The following KMT2A variants were observed in gnomAD, a reference collection of about 807,000 sequenced individuals.
KMT2A encodes lysine methyltransferase 2A.
In KMT2A, 16 loss-of-function variants were observed where a neutral mutation model predicts 345.3. That is an observed-to-expected ratio of 0.05 (90% CI 0.03 to 0.07). The LOEUF is 0.07. Among genes scored for constraint, KMT2A ranks in the 10% least tolerant of loss-of-function variants. The probability of loss-of-function intolerance (pLI) is 1.00; values close to 1 mark genes in which losing one functional copy is unlikely to be tolerated. For missense variants in KMT2A, 3,272 were observed against 4,841.6 expected (o/e 0.68, Z 9.62); for synonymous variants, 1,599 against 1,778.6 (o/e 0.90, Z 2.54).
At position 118,474,009 on chromosome 11, in the gene KMT2A, T is replaced by G; in HGVS notation, c.2850T>G (p.Leu950=). 6.2e-7 allele frequency: 1 copy of G among 1,613,856 alleles called. No homozygotes were observed. The highest frequency in any genetic ancestry group is 1.7e-5 in the Admixed American group (1 of 59,946). Residue 950 remains leucine (L), a synonymous_variant, in exon 3 of 36, where the codon CTT becomes CTG. Transcript: ENST00000534358. ...GGACTGATATTACTTCTGTGACTCT[T>G]GGGGATACAACAGCTGTCAAAACCA... ...DSGTDITSVT[L]GDTTAVKTKI... is the part of the protein sequence containing the mutation.
intron 1 of KMT2A, chr11:118,448,791 G>A (rs1949472674): frequency 6.6e-6 from 1 of 152,158 alleles, no homozygotes; most frequent in South Asian, 2.1e-4. Flanking sequence ...GGGTTCATAG[G>A]TGAAGCTGGA....
rs2134364077 is a variant in KMT2A, at chr11:118,498,014, G to A, written c.5743G>A (p.Glu1915Lys). ...TGCTTTGTGGTCAGCGGAAGTGTTT[G>A]AAGATGATGACGGATCACTAAAGAA... ...NCALWSAEVF[E>K]DDDGSLKNVH... Residue 1915 changes from glutamate to lysine, a missense_variant, in exon 21 of 36, where the codon GAA becomes AAA. Transcript: ENST00000534358. The surrounding 1 kb of genome is among the most constrained non-coding windows in gnomAD (Gnocchi z 4.4). 6.2e-7 allele frequency: 1 copy of A among 1,614,128 alleles called. No homozygotes were observed. The highest frequency in any genetic ancestry group is 8.5e-7 in the Non-Finnish European group (1 of 1,179,988).
chr11:118,509,369 C>T (rs1591291268), intron 29 of KMT2A, among the ~76,000 whole-genome samples, 169 bp downstream of exon 29: 2 of 152,146 alleles, frequency 1.3e-5, no homozygotes, highest in Admixed American at 6.5e-5. Flanking sequence ...ACCTGTCTCT[C>T]GGTGCAGTGT....
chr11:118,488,126 G>A (rs1380677597), intron 10 of KMT2A, among the ~76,000 whole-genome samples: 1 of 152,208 alleles, frequency 6.6e-6, no homozygotes, highest in African/African-American at 2.4e-5. Context: ...GTTGCAGTGA[G>A]TCGAGATCGC....
At position 118,497,916 on chromosome 11, in the gene KMT2A, G is replaced by T; in HGVS notation, c.5665-20G>T. 1 of 1,596,330 alleles carries T rather than the reference G, an allele frequency of 6.3e-7. No homozygotes were observed. ...TGGCATTATATTCTTTAGGAAAAAA[G>T]AAATCTCTTTATTTTATAGGATGCT... On this transcript the variant is annotated intron_variant, in intron 20 of 35. Transcript: ENST00000534358. This position sits in a 1 kb window ranked among gnomAD's most constrained non-coding sequence, Gnocchi z 4.8.
In KMT2A at chr11:118,502,711, G is replaced by A. The variant is rs377232966; in HGVS notation, c.6819G>A (p.Val2273=). 2.5e-6 allele frequency: 4 copies of A among 1,613,970 alleles called. No homozygotes were observed. The highest frequency in any genetic ancestry group is 2.7e-5 in the African/African-American group (2 of 74,900). ...CCTCTTCAAATTTGCAAAGGACAGT[G>A]GTTACTGTAGGCAATAAAAACAGTC... The part of the protein sequence containing the change: ...TSTSSNLQRT[V]VTVGNKNSHL... The change falls in exon 27 of 36, where the codon GTG becomes GTA. Residue 2273 remains valine, a synonymous_variant. Transcript: ENST00000534358. This position sits in a 1 kb window ranked among gnomAD's most constrained non-coding sequence, Gnocchi z 4.9.
At chr11:118,455,020 T>C (rs1339604187) in intron 1 of KMT2A, among the ~76,000 whole-genome samples, 2 of 152,050 alleles carry the variant, frequency 1.3e-5, no homozygotes, top group African/African-American at 4.8e-5. Context: ...TCAATTCTTA[T>C]TGTCCTAGTG....
chr11:118,507,673 A>C, intron 28 of KMT2A, 64 bp downstream of exon 28: 1 of 1,382,574 alleles, frequency 7.2e-7, no homozygotes, highest in Non-Finnish European at 1.0e-6. Flanking sequence ...TTTAAAAAAT[A>C]GTTCTTCCAG....
intron 1 of KMT2A, among the ~76,000 whole-genome samples, chr11:118,457,979 A>G (rs1291134827): frequency 1.3e-5 from 2 of 152,116 alleles, no homozygotes; most frequent in Non-Finnish European, 2.9e-5. Context: ...AATGGCCGAT[A>G]TATATTTTAA....
rs782393695 is a variant in KMT2A at position 118,473,595 on chromosome 11, A to G, written c.2436A>G (p.Lys812=). The change falls in exon 3 of 36, where the codon AAA becomes AAG. Residue 812 remains lysine, a synonymous_variant. Transcript: ENST00000534358. The surrounding 1 kb of genome is among the most constrained non-coding windows in gnomAD (Gnocchi z 5.2). ...SLTQSGESAE[K]NQRPRKQTSA... Reference sequence around the variant, plus strand: ...CTCAGTCTGGGGAATCTGCAGAGAAAAATCAGAGACCAAGGAAGCAGACTA... The same window carrying G: ...CTCAGTCTGGGGAATCTGCAGAGAAGAATCAGAGACCAAGGAAGCAGACTA... The G allele has an allele frequency of 1.9e-6, 3 of 1,614,118 alleles. No individual in the cohort carries two copies. The highest frequency in any genetic ancestry group is 1.7e-5 in the Admixed American group (1 of 60,028).
Position 118,476,531 on chromosome 11 carries a change from A to T in KMT2A, c.3157-274A>T, listed in dbSNP as rs1420789646. On this transcript the variant is annotated intron_variant, in intron 3 of 35. Coordinates refer to ENST00000534358, the MANE Select transcript of KMT2A (RefSeq NM_001197104.2). This position sits in a 1 kb window ranked among gnomAD's most constrained non-coding sequence, Gnocchi z 4.1. ...TTTTGTGTAGAGATGGGTTCTCGCT[A>T]TGTTGCCCATACTGGTCTTGAACTC... Among the ~76,000 whole-genome samples, 2 of 152,018 alleles carry T rather than the reference A, an allele frequency of 1.3e-5. No homozygotes were observed. The highest frequency in any genetic ancestry group is 4.8e-5 in the African/African-American group (2 of 41,390).
In KMT2A at chr11:118,491,028, A is replaced by G. The variant is rs1055262653; in HGVS notation, c.4697-168A>G. ...TTCTGTGAGTATTCGAGGGGCTCAG[A>G]ATAATCTTGAGACTGCAGATGTGTG... On this transcript the variant is annotated intron_variant, in intron 13 of 35. Coordinates refer to ENST00000534358, the MANE Select transcript of KMT2A (RefSeq NM_001197104.2). The surrounding 1 kb of genome is among the most constrained non-coding windows in gnomAD (Gnocchi z 4.2). Among the ~76,000 whole-genome samples the G allele has an allele frequency of 1.3e-5, 2 of 152,244 alleles. No individual in the cohort carries two copies. The highest frequency in any genetic ancestry group is 1.3e-4 in the Admixed American group (2 of 15,280).
At chr11:118,514,186 C>T (rs1007372106) in intron 31 of KMT2A, among the ~76,000 whole-genome samples, 13 of 152,196 alleles carry the variant, frequency 8.5e-5, no homozygotes, top group African/African-American at 2.2e-4. Context: ...TCAACCCTTA[C>T]GTATTTGTTA....
At position 118,503,154 on chromosome 11, in the gene KMT2A, T is replaced by A. The variant is rs1565303058; in HGVS notation, c.7262T>A (p.Met2421Lys). 2.5e-6 allele frequency: 4 copies of A among 1,613,902 alleles called. No homozygotes were observed. In the East Asian group the frequency reaches 6.7e-5, roughly 27 times the overall value. ...AGATCATCCATTATCAACGAACATA[T>A]GGGATCTAGTTCCAGAGATAGGAGA... ...SNRSSIINEH[M>K]GSSSRDRRQK... Residue 2421 changes from methionine to lysine, a missense_variant, in exon 27 of 36, where the codon ATG (methionine) becomes AAG (lysine). Transcript: ENST00000534358. This position sits in a 1 kb window ranked among gnomAD's most constrained non-coding sequence, Gnocchi z 5.3.
Position 118,491,690 on chromosome 11 carries a change from TC to T in KMT2A, c.4820-52del. On this transcript the variant is annotated intron_variant, in intron 14 of 35. Transcript: ENST00000534358. This position sits in a 1 kb window ranked among gnomAD's most constrained non-coding sequence, Gnocchi z 4.2. ...GTTCAGTGGAATAGTTTCCTCTTCT[TC>T]CTCTCTCTCATTCTTCAGAGGACCT... 7.3e-7 allele frequency: 1 copy of T among 1,369,994 alleles called. No individual in the cohort carries two copies. The allele number at this position is 1,369,994 out of a possible 1,614,324, so 84.9% of individuals were successfully genotyped here.
intron 6 of KMT2A, 87 bp from the exon 7 acceptor site, chr11:118,481,628 G>C (rs1555039175): frequency 6.4e-6 from 9 of 1,411,846 alleles, no homozygotes; most frequent in Non-Finnish European, 8.6e-6. Flanking sequence ...CTGTGGGATT[G>C]CTGGATCATA....
At chr11:118,458,822 T>A (rs1949694194) in intron 1 of KMT2A, among the ~76,000 whole-genome samples, 1 of 152,236 alleles carries the variant, frequency 6.6e-6, no homozygotes, top group African/African-American at 2.4e-5. Flanking sequence ...AACTTATCGC[T>A]GCCAAGATGC....
At chr11:118,453,289 T>C (rs1385613634) in intron 1 of KMT2A, among the ~76,000 whole-genome samples, 1 of 152,194 alleles carries the variant, frequency 6.6e-6, no homozygotes, top group Non-Finnish European at 1.5e-5. Flanking sequence ...GAAATAGCTC[T>C]TATCAAGGTT....
At chr11:118,475,573 A>G (rs1413125380) in intron 3 of KMT2A, among the ~76,000 whole-genome samples, 10 of 152,116 alleles carry the variant, frequency 6.6e-5, no homozygotes, top group Non-Finnish European at 8.8e-5. Flanking sequence ...AATCCAAAAA[A>G]TTAGCCAGAC....
Sources: allele counts gnomAD v4.1 joint callset (sites outside exome capture counted in the v4.1 genomes callset), GRCh38; gene constraint gnomAD v4.1.1; non-coding constraint Gnocchi (gnomAD v3.1); transcripts MANE v1.5; gene names NCBI Gene and HGNC (gene_info 2026-07-23, HGNC 2026-07-21).